GFI1B: variants seen among roughly 807,000 people sequenced by gnomAD.
GFI1B encodes zinc finger protein Gfi-1b.
In GFI1B, 20 loss-of-function variants were observed where a neutral mutation model predicts 35.3. The observed-to-expected ratio is 0.57, with a 90% CI of 0.40 to 0.82. The LOEUF (loss-of-function observed/expected upper bound fraction) is 0.82, where lower values mean the gene tolerates loss of function less well. GFI1B is among the 40% of genes least tolerant of loss of function. GFI1B has a pLI of 0.00. For synonymous variants in GFI1B, 178 were observed against 177.6 expected (o/e 1.00, Z -0.02); for missense variants, 430 against 446.3 (o/e 0.96, Z 0.33).
chr9:132,992,736 TAGGA>T (rs2118915690), downstream of GFI1B, among the ~76,000 whole-genome samples: 1 of 152,270 alleles, frequency 6.6e-6, no homozygotes, highest in African/African-American at 2.4e-5. Context: ...GCTTACAGCT[TAGGA>T]GCCATTGAAT....
chr9:132,960,722 G>A (rs572906364), intron 1 of GFI1B, among the ~76,000 whole-genome samples: 3 of 151,430 alleles, frequency 2.0e-5, no homozygotes, highest in East Asian at 3.9e-4. Context: ...GGCTGGTTTC[G>A]AAGTCCTGGT....
At position 132,949,268 on chromosome 9, in the gene GFI1B, TACACACACACAC is replaced by T. The variant is rs36015720; in HGVS notation, c.-701+3625_-701+3636del. Among the ~76,000 whole-genome samples the T allele has an allele frequency of 2.6e-4, 36 of 137,682 alleles. No homozygotes were observed. The East Asian group carries it at 4.8e-3, about 19-fold the overall frequency. 90.3% of individuals were successfully genotyped at this position (137,682 alleles called of 152,430 possible). A position where few individuals can be genotyped will look rare whatever the true frequency, so the allele number is the denominator to read the frequency against. On this transcript the variant is annotated intron_variant, in intron 1 of 10. Transcript: ENST00000339463. Reference sequence around the variant, plus strand: ...CTGTGAATCAAGCCAAACCCACAGATACACACACACACACACACACACACACACACACACACA... The same window carrying T: ...CTGTGAATCAAGCCAAACCCACAGATACACACACACACACACACACACACA...
At position 132,991,232 on chromosome 9, in the gene GFI1B, A is replaced by G. The variant is rs2118912420; in HGVS notation, c.*182A>G. The G allele has an allele frequency of 1.6e-6, 1 of 627,616 alleles. No homozygotes were observed. Among genetic ancestry groups the G allele is most frequent in the East Asian group, 2.8e-5 (1 of 36,322 alleles). The allele number at this position is 627,616 out of a possible 1,614,324, so 38.9% of individuals were successfully genotyped here. The stretch of plus-strand genomic sequence containing the variant: ...GCAAGTCACTTACCCTGTCTGGATC[A>G]ACATTTCTCCTGCTGCCAAGTGTGG... On this transcript the variant is annotated 3_prime_UTR_variant, in exon 7 of 7. Coordinates refer to ENST00000372122, the MANE Select transcript of GFI1B (RefSeq NM_001377304.1).
intron 1 of GFI1B, among the ~76,000 whole-genome samples, chr9:132,968,341 C>T (rs1190564140): frequency 2.6e-5 from 4 of 151,812 alleles, no homozygotes; most frequent in Non-Finnish European, 2.9e-5. Context: ...GGGCTGGTCT[C>T]GAACTCCTGG....
chr9:132,952,017 C>G (rs1366349094), intron 1 of GFI1B: 3 of 152,174 alleles, frequency 2.0e-5, no homozygotes, highest in African/African-American at 7.2e-5. Context: ...AAATCTCCCA[C>G]CTCCGCCTCC....
chr9:132,993,229 A>C (rs2118916395), downstream of GFI1B, among the ~76,000 whole-genome samples: 1 of 152,222 alleles, frequency 6.6e-6, no homozygotes. Flanking sequence ...GGGAGGTGGA[A>C]GTTGCAGTGA....
intron 1 of GFI1B, among the ~76,000 whole-genome samples, chr9:132,968,951 T>C (rs142983219): frequency 0.013 from 2,046 of 152,040 alleles, 58 homozygotes; most frequent in African/African-American, 0.047. Flanking sequence ...CAAAACTCTG[T>C]CCCCATTAAA....
chr9:132,983,102 G>C (rs1236447547), intron 1 of GFI1B, among the ~76,000 whole-genome samples: 1 of 151,962 alleles, frequency 6.6e-6, no homozygotes, highest in Non-Finnish European at 1.5e-5. Context: ...TCCCTGGCCT[G>C]GCCCCACCAA....
Position 132,989,177 on chromosome 9 carries a change from G to A in GFI1B, c.627G>A (p.Gln209=). The change falls in exon 5 of 7, where the codon CAG becomes CAA. Residue 209 remains glutamine, a synonymous_variant. Transcript: ENST00000372122. This position sits in a 1 kb window ranked among gnomAD's most constrained non-coding sequence, Gnocchi z 6.2. ...TCGGCCACGCTGTGAGCCTGGAGCA[G>A]CACACGCACGTCCACTCCCAGGTGG... The part of the protein sequence containing the change: ...KTFGHAVSLE[Q]HTHVHSQERS... 6.2e-7 allele frequency: 1 copy of A among 1,613,590 alleles called. No homozygotes were observed. The highest frequency in any genetic ancestry group is 2.2e-5 in the East Asian group (1 of 44,866).
At chr9:132,962,952 C>T (rs1271203117) in intron 1 of GFI1B, among the ~76,000 whole-genome samples, 1 of 148,926 alleles carries the variant, frequency 6.7e-6, no homozygotes, top group Non-Finnish European at 1.5e-5. Flanking sequence ...CGTGGTGGCA[C>T]CAGCCTGCAG....
intron 1 of GFI1B, among the ~76,000 whole-genome samples, chr9:132,965,192 G>T (rs891449209): frequency 6.6e-6 from 1 of 152,130 alleles, no homozygotes; most frequent in Non-Finnish European, 1.5e-5. Flanking sequence ...TTAGAGGCAG[G>T]TGCCCAGTAA....
chr9:132,970,552 G>A (rs898691142), intron 1 of GFI1B, among the ~76,000 whole-genome samples: 3 of 152,166 alleles, frequency 2.0e-5, no homozygotes, highest in African/African-American at 4.8e-5. Flanking sequence ...CATCAGAAAA[G>A]GTTGGCCAGG....
Position 132,989,320 on chromosome 9 carries a change from G to A in GFI1B, c.648+122G>A, listed in dbSNP as rs559568640. 6.1e-6 allele frequency: 6 copies of A among 981,886 alleles called. No individual in the cohort carries two copies. In the African/African-American group the frequency reaches 7.9e-5, roughly 13 times the overall value. The allele number at this position is 981,886 out of a possible 1,614,324, so 60.8% of individuals were successfully genotyped here. A position where few individuals can be genotyped will look rare whatever the true frequency, so the allele number is the denominator to read the frequency against. On this transcript the variant is annotated intron_variant, in intron 5 of 6. Transcript: ENST00000372122. This position sits in a 1 kb window ranked among gnomAD's most constrained non-coding sequence, Gnocchi z 6.2. ...CTGGGGGTGACACAGATTGGGAGGG[G>A]TCCCCTAGTACCCACCTCCCTGGGT...
At chr9:132,970,900 C>T (rs1471515633) in intron 1 of GFI1B, among the ~76,000 whole-genome samples, 1 of 152,118 alleles carries the variant, frequency 6.6e-6, no homozygotes, top group Non-Finnish European at 1.5e-5. Context: ...AATAATCAAC[C>T]TGCCATGTAA....
At chr9:132,977,963 G>A (rs1848679877), upstream of GFI1B, among the ~76,000 whole-genome samples, 1 of 152,138 alleles carries the variant, frequency 6.6e-6, no homozygotes, top group African/African-American at 2.4e-5. Flanking sequence ...TCATATCTGG[G>A]GGAAATGCAA....
intron 1 of GFI1B, among the ~76,000 whole-genome samples, chr9:132,959,236 C>T (rs534109329): frequency 4.6e-5 from 7 of 152,072 alleles, no homozygotes; most frequent in Non-Finnish European, 7.4e-5. Flanking sequence ...ATGCTGTTCT[C>T]GGGATAGCGA....
chr9:132,990,304 C>T (rs1849247232), intron 6 of GFI1B, among the ~76,000 whole-genome samples: 1 of 149,732 alleles, frequency 6.7e-6, no homozygotes, highest in African/African-American at 2.5e-5. Context: ...TTCACTCATT[C>T]ATTTGCTCAT....
At chr9:132,967,772 G>C (rs1289603594) in intron 1 of GFI1B, among the ~76,000 whole-genome samples, 1 of 151,992 alleles carries the variant, frequency 6.6e-6, no homozygotes, top group African/African-American at 2.4e-5. Flanking sequence ...GTGTATGTGT[G>C]TGTATACACA....
chr9:132,987,855 T>C (rs1019590976), intron 3 of GFI1B, among the ~76,000 whole-genome samples: 1 of 152,144 alleles, frequency 6.6e-6, no homozygotes. Flanking sequence ...TATTTCATTT[T>C]ATTTTTTGAG....
Sources: allele counts gnomAD v4.1 joint callset (sites outside exome capture counted in the v4.1 genomes callset), GRCh38; gene constraint gnomAD v4.1.1; non-coding constraint Gnocchi (gnomAD v3.1); transcripts MANE v1.5; gene names NCBI Gene and HGNC (gene_info 2026-07-23, HGNC 2026-07-21).